Variants in CUBN observed in about 807,000 individuals in gnomAD.
CUBN encodes cubilin.
Under a neutral mutation model 405.3 loss-of-function variants are expected in CUBN, and 282 were observed. The ratio of observed to expected loss-of-function variants is 0.70; its 90% CI spans 0.63 to 0.77. The LOEUF is 0.77. Among genes scored for constraint, CUBN ranks in the 30% least tolerant of loss-of-function variants. CUBN has a pLI of 0.00. For synonymous variants in CUBN, 1,684 were observed against 1,617.0 expected (o/e 1.04, Z -0.99); for missense variants, 4,514 against 4,475.2 (o/e 1.01, Z -0.25).
chr10:17,113,888 C>A, intron 8 of CUBN, 139 bp downstream of exon 8: 1 of 843,792 alleles, frequency 1.2e-6, no homozygotes, highest in Non-Finnish European at 2.0e-6. Flanking sequence ...GTGAGATCGT[C>A]GAGCAGAACC....
At chr10:17,073,140 A>C (rs1460141577) in intron 17 of CUBN, among the ~76,000 whole-genome samples, 1 of 152,220 alleles carries the variant, frequency 6.6e-6, no homozygotes, top group Non-Finnish European at 1.5e-5. Context: ...CATAGATTAT[A>C]GAAATAAAAA....
At chr10:17,068,987 C>T (rs949736340) in intron 19 of CUBN, among the ~76,000 whole-genome samples, 1 of 152,170 alleles carries the variant, frequency 6.6e-6, no homozygotes, top group African/African-American at 2.4e-5. Flanking sequence ...CACTAATCTA[C>T]TTTCTGTCTC....
intron 22 of CUBN, among the ~76,000 whole-genome samples, chr10:17,056,622 C>T (rs912223969): frequency 6.6e-6 from 1 of 151,772 alleles, no homozygotes; most frequent in Admixed American, 6.6e-5. Context: ...AAAAAAACAA[C>T]TTCTAGAAGG....
At position 16,901,417 on chromosome 10, in the gene CUBN, CT is replaced by C. The variant is rs1564412484; in HGVS notation, c.8104del (p.Ser2702AlafsTer11). On this transcript the variant is annotated frameshift_variant, in exon 52 of 67. Transcript: ENST00000377833. LOFTEE classifies it high-confidence loss of function. ...IQIGDSGVIT[S>X]PNYPNAYDSL... ...GTCATAAGCATTTGGATAGTTGGGG[CT>C]TGTGATCACTCCACTGTCACCTATC... The C allele has an allele frequency of 6.2e-7, 1 of 1,614,082 alleles. No individual in the cohort carries two copies. The highest frequency in any genetic ancestry group is 8.5e-7 in the Non-Finnish European group (1 of 1,179,986).
intron 58 of CUBN, among the ~76,000 whole-genome samples, chr10:16,872,595 C>G (rs1260140764): frequency 6.6e-6 from 1 of 152,134 alleles, no homozygotes; most frequent in African/African-American, 2.4e-5. Context: ...AAGGTACCTT[C>G]TATAAGCCAG....
intron 17 of CUBN, among the ~76,000 whole-genome samples, chr10:17,083,383 T>C (rs1411203623): frequency 6.6e-6 from 1 of 152,110 alleles, no homozygotes; most frequent in Non-Finnish European, 1.5e-5. Context: ...CACATGCCTG[T>C]AATCCCAGCT....
Position 16,888,778 on chromosome 10 carries a change from CAG to C in CUBN, c.8756-214_8756-213del, listed in dbSNP as rs200857510. 0.025 allele frequency among the ~76,000 whole-genome samples: 3,818 copies of C among 152,182 alleles called. 68 individuals carry two copies. Among genetic ancestry groups the C allele is most frequent in the Non-Finnish European group, 0.04 (2,692 of 67,984 alleles). On this transcript the variant is annotated intron_variant, in intron 55 of 66. Coordinates refer to ENST00000377833, the MANE Select transcript of CUBN (RefSeq NM_001081.4). ...TATTATACATTTTTAGAAAATGCTG[CAG>C]AGTTTTATGGACTGAGTCCTCGTAA...
chr10:17,012,909 G>C (rs1588580269), intron 28 of CUBN, among the ~76,000 whole-genome samples: 1 of 152,274 alleles, frequency 6.6e-6, no homozygotes, highest in African/African-American at 2.4e-5. Context: ...TCCTATGTCT[G>C]GTGGGACCTT....
chr10:17,096,507 T>C (rs561401325), intron 14 of CUBN, among the ~76,000 whole-genome samples: 11 of 152,102 alleles, frequency 7.2e-5, no homozygotes, highest in Middle Eastern at 3.4e-3. Context: ...AGAAAATAAA[T>C]AAAGCAAAAG....
chr10:16,843,930 C>T (rs565375733), intron 60 of CUBN, among the ~76,000 whole-genome samples: 2 of 152,064 alleles, frequency 1.3e-5, no homozygotes, highest in Admixed American at 6.6e-5. Context: ...TGAGAACCCA[C>T]GTGATGGAGA....
chr10:17,069,664 C>CTTCT (rs1322683545), intron 19 of CUBN, among the ~76,000 whole-genome samples: 1 of 152,204 alleles, frequency 6.6e-6, no homozygotes, highest in African/African-American at 2.4e-5. Flanking sequence ...CTACCACAGC[C>CTTCT]TTCTGAGTAG....
intron 45 of CUBN, 25 bp downstream of exon 45, chr10:16,918,597 A>G (rs1356091426): frequency 1.3e-6 from 2 of 1,586,560 alleles, no homozygotes; most frequent in Admixed American, 3.4e-5. Flanking sequence ...TGAACCTAAA[A>G]TAAAAGTTTT....
At chr10:16,897,490 G>C (rs780812) in intron 54 of CUBN, among the ~76,000 whole-genome samples, 71,149 of 151,566 alleles carry the variant, frequency 0.47, 18,917 homozygotes, top group Middle Eastern at 0.63. Context: ...AAAGGGTATA[G>C]TAATTTTCCC....
chr10:16,892,263 A>G (rs1269422284), intron 54 of CUBN, among the ~76,000 whole-genome samples: 1 of 152,174 alleles, frequency 6.6e-6, no homozygotes, highest in Non-Finnish European at 1.5e-5. Context: ...TAGATAAGGG[A>G]GGTGCCTGGC....
intron 10 of CUBN, among the ~76,000 whole-genome samples, chr10:17,108,388 T>C (rs1242551121): frequency 3.0e-5 from 2 of 66,786 alleles, no homozygotes; most frequent in African/African-American, 1.3e-4. Flanking sequence ...TATATGTGTG[T>C]GTGTGTGTGT....
rs757061706 is a variant in CUBN, at chr10:16,915,829, T to C, written c.7202A>G (p.His2401Arg). ...AGATATATTTTACTAACCAGAGGTATGATTGTCCCAGATCTCCACGAAGTC... is the reference window on the plus strand; with the variant it reads ...AGATATATTTTACTAACCAGAGGTACGATTGTCCCAGATCTCCACGAAGTC... ...EKDFVEIWDN[H>R]TSGNILGRYC... Residue 2401 changes from histidine (H) to arginine (R), a missense_variant, in exon 46 of 67, where the codon CAT becomes CGT. By Grantham distance (29) the His-to-Arg change is conservative. Coordinates refer to ENST00000377833, the MANE Select transcript of CUBN (RefSeq NM_001081.4). The C allele has an allele frequency of 5.0e-6, 8 of 1,612,360 alleles. No homozygotes were observed. In the East Asian group the frequency reaches 1.6e-4, roughly 31 times the overall value.
chr10:17,075,043 G>A (rs1381312172), intron 17 of CUBN, among the ~76,000 whole-genome samples: 1 of 149,940 alleles, frequency 6.7e-6, no homozygotes, highest in Non-Finnish European at 1.5e-5. Context: ...AAGGCAAACA[G>A]GTAGTAAAGA....
intron 31 of CUBN, among the ~76,000 whole-genome samples, chr10:16,961,948 G>A (rs993160559): frequency 3.3e-5 from 5 of 152,014 alleles, no homozygotes; most frequent in East Asian, 3.9e-4. Flanking sequence ...TCCTGACCTC[G>A]TGATCCGCCC....
chr10:17,025,092 T>G lies in CUBN; in HGVS notation c.4018-5109A>C, dbSNP rs146299870. Among the ~76,000 whole-genome samples, 310 of 152,338 alleles carry G rather than the reference T, an allele frequency of 2.0e-3. 2 individuals carry two copies. Among genetic ancestry groups the G allele is most frequent in the African/African-American group, 7.2e-3 (299 of 41,580 alleles). On this transcript the variant is annotated intron_variant, in intron 27 of 66. Coordinates refer to ENST00000377833, the MANE Select transcript of CUBN (RefSeq NM_001081.4). ...CAATTATAAATCTTTGCAAATTCCATAAAACCTCTATTCTTTAGAGCTTAA... is the reference window on the plus strand; with the variant it reads ...CAATTATAAATCTTTGCAAATTCCAGAAAACCTCTATTCTTTAGAGCTTAA...
Sources: gnomAD v4.1 joint callset for allele counts (sites outside exome capture counted in the v4.1 genomes callset) on GRCh38, gnomAD v4.1.1 for gene constraint, MANE v1.5 for transcripts, NCBI Gene and HGNC (gene_info 2026-07-23, HGNC 2026-07-21) for gene names.